Variants in TG observed in about 807,000 individuals in gnomAD.
TG encodes the protein thyroid hormones.
A neutral mutation model predicts 324.7 loss-of-function variants in TG; 270 were observed. That is an observed-to-expected ratio of 0.83 (90% CI 0.75 to 0.92). TG has a LOEUF of 0.92. Among genes scored for constraint, TG ranks in the 40% least tolerant of loss-of-function variants. The pLI, the probability that TG is intolerant of heterozygous loss-of-function variation, is 0.00. For missense variants in TG, 3,591 were observed against 3,456.4 expected (o/e 1.04, Z -0.98); for synonymous variants, 1,401 against 1,327.0 (o/e 1.06, Z -1.21).
At chr8:133,053,640 A>T (rs1840835085) in intron 41 of TG, among the ~76,000 whole-genome samples, 1 of 152,190 alleles carries the variant, frequency 6.6e-6, no homozygotes, top group African/African-American at 2.4e-5. Flanking sequence ...TTGAGGTTTG[A>T]TATCAAATTC....
chr8:132,924,092 A>G (rs957795199), intron 22 of TG, among the ~76,000 whole-genome samples: 2 of 151,668 alleles, frequency 1.3e-5, no homozygotes, highest in Non-Finnish European at 2.9e-5. Flanking sequence ...AATCAGTGGG[A>G]GCCCTGAGCT....
intron 43 of TG, among the ~76,000 whole-genome samples, chr8:133,108,435 T>C (rs1401235914): frequency 2.0e-5 from 3 of 152,216 alleles, no homozygotes; most frequent in African/African-American, 7.2e-5. Flanking sequence ...AGGCTGAGTC[T>C]ACAAATATCT....
intron 34 of TG, among the ~76,000 whole-genome samples, chr8:132,976,315 A>G (rs151312449): frequency 6.6e-6 from 1 of 152,294 alleles, no homozygotes; most frequent in East Asian, 1.9e-4. Context: ...TTCCATGGGG[A>G]AAGGTAGAAG....
chr8:132,893,717 T>C lies in TG; in HGVS notation c.2789T>C (p.Leu930Pro). 6.2e-7 allele frequency: 1 copy of C among 1,613,902 alleles called. No individual in the cohort carries two copies. ...TCPGSCEEAK[L>P]RVLQFIRETE... Reference sequence around the variant, plus strand: ...CCTGGCTCCTGTGAGGAAGCAAAGCTCCGTGTACTGCAGTTCATTAGGGAA... The same window carrying C: ...CCTGGCTCCTGTGAGGAAGCAAAGCCCCGTGTACTGCAGTTCATTAGGGAA... Residue 930 changes from leucine to proline, a missense_variant, in exon 11 of 48, where the codon CTC becomes CCC. Coordinates refer to ENST00000220616, the MANE Select transcript of TG (RefSeq NM_003235.5).
At chr8:133,042,676 G>GTTTTT (rs1838483510) in intron 41 of TG, among the ~76,000 whole-genome samples, 4 of 55,580 alleles carry the variant, frequency 7.2e-5, no homozygotes, top group Non-Finnish European at 1.3e-4. Flanking sequence ...CTCATTCTGT[G>GTTTTT]TCTTTTTTTT....
At chr8:133,114,260 C>T (rs566009232) in intron 44 of TG, among the ~76,000 whole-genome samples, 2 of 152,314 alleles carry the variant, frequency 1.3e-5, no homozygotes, top group East Asian at 3.9e-4. Context: ...CCACTGCTTA[C>T]ATGCCTTGTC....
Position 132,871,548 on chromosome 8 carries a change from C to T in TG, c.475C>T (p.Arg159Ter), listed in dbSNP as rs759267330. Residue 159 changes from arginine to a stop codon, truncating the protein, a stop_gained, in exon 4 of 48, where the codon CGA (arginine) becomes TGA (stop). Transcript: ENST00000220616. LOFTEE classifies it high-confidence loss of function. The part of the protein sequence containing the change: ...YGTRQLGRPK[R>*]CPRSCEIRNR... ...GACCCGCCAGCTGGGGAGGCCAAAG[C>T]GATGTGAGTTTCACTGAGCGCCTGC... The T allele has an allele frequency of 1.8e-5, 29 of 1,613,254 alleles. No individual in the cohort carries two copies. Among genetic ancestry groups the T allele is most frequent in the South Asian group, 1.2e-4 (11 of 91,056 alleles).
intron 5 of TG, among the ~76,000 whole-genome samples, chr8:132,875,224 T>C (rs1256925236): frequency 6.6e-6 from 1 of 152,200 alleles, no homozygotes; most frequent in Non-Finnish European, 1.5e-5. Flanking sequence ...TAGGTTAGAA[T>C]TTCCCCCTCC....
At chr8:133,075,398 G>C (rs1844709966) in intron 41 of TG, among the ~76,000 whole-genome samples, 1 of 152,136 alleles carries the variant, frequency 6.6e-6, no homozygotes, top group Non-Finnish European at 1.5e-5. Flanking sequence ...GCAATGCTTT[G>C]AGATTAAAGG....
chr8:133,131,051 C>T (rs572102489), intron 45 of TG, among the ~76,000 whole-genome samples: 7 of 152,324 alleles, frequency 4.6e-5, no homozygotes, highest in Middle Eastern at 3.4e-3. Flanking sequence ...ACTCACCTTC[C>T]AGAAGCCAAA....
In TG at chr8:132,971,852, C is replaced by T; in HGVS notation, c.6034C>T (p.Leu2012=). The T allele has an allele frequency of 6.2e-7, 1 of 1,613,076 alleles. No individual in the cohort carries two copies. Among genetic ancestry groups the T allele is most frequent in the Non-Finnish European group, 8.5e-7 (1 of 1,179,072 alleles). Residue 2012 remains leucine, a synonymous_variant, in exon 33 of 48, where the codon CTA becomes TTA. Transcript: ENST00000220616. ...CCCATGCTGCACTGGCTTTGGATTT[C>T]TAAATGTTTCCCAGTTAAAAGGTAA... is the stretch of plus-strand genomic sequence containing the variant. ...ADPCCTGFGF[L]NVSQLKGGEV...
Position 133,113,570 on chromosome 8 carries a change from C to T in TG, c.7721C>T (p.Ala2574Val). ...YSLEHSTDDYASFSRALENAT... is the reference protein window; with the variant it reads ...YSLEHSTDDYVSFSRALENAT... ...CTGGAGCACTCCACGGATGACTATGCCTCCTTCTCCCGGGCTCTGGAGAAT... is the reference window on the plus strand; with the variant it reads ...CTGGAGCACTCCACGGATGACTATGTCTCCTTCTCCCGGGCTCTGGAGAAT... Residue 2574 changes from alanine (A) to valine (V), a missense_variant, in exon 44 of 48, where the codon GCC (alanine) becomes GTC (valine). Coordinates refer to ENST00000220616, the MANE Select transcript of TG (RefSeq NM_003235.5). 2 of 1,614,132 alleles carry T rather than the reference C, an allele frequency of 1.2e-6. No individual in the cohort carries two copies. Among genetic ancestry groups the T allele is most frequent in the Non-Finnish European group, 1.7e-6 (2 of 1,180,012 alleles).
intron 41 of TG, chr8:133,050,552 G>A (rs143693101): frequency 1.6e-4 from 60 of 386,584 alleles, no homozygotes; most frequent in African/African-American, 1.2e-3. Context: ...AGAAGAATAT[G>A]AGAAGAGGCT....
At chr8:133,092,980 C>T (rs569553458) in intron 41 of TG, among the ~76,000 whole-genome samples, 14 of 152,230 alleles carry the variant, frequency 9.2e-5, no homozygotes, top group East Asian at 1.9e-4. Context: ...TTTTTATAGC[C>T]GAAGGAAATA....
chr8:133,097,813 G>A (rs918253698), intron 43 of TG, among the ~76,000 whole-genome samples: 20 of 152,150 alleles, frequency 1.3e-4, no homozygotes, highest in Admixed American at 1.0e-3. Context: ...ATATATTTAT[G>A]TGTGCGTGTG....
chr8:132,964,605 T>G (rs954882809), intron 29 of TG: 3 of 363,842 alleles, frequency 8.2e-6, no homozygotes, highest in African/African-American at 6.3e-5. Flanking sequence ...GTGATTGGTC[T>G]CATTGCTTTT....
At chr8:132,912,555 A>G (rs1819685910) in intron 19 of TG, among the ~76,000 whole-genome samples, 1 of 152,066 alleles carries the variant, frequency 6.6e-6, no homozygotes, top group African/African-American at 2.4e-5. Context: ...ACTGAGGCAG[A>G]AGGCCCTGTT....
At chr8:133,058,702 G>A (rs532819539) in intron 41 of TG, among the ~76,000 whole-genome samples, 2 of 152,342 alleles carry the variant, frequency 1.3e-5, no homozygotes, top group Admixed American at 1.3e-4. Context: ...CAGCAGCTCA[G>A]CCACCCTGCA....
At chr8:133,133,289 C>A in intron 46 of TG, 181 bp from the exon 47 acceptor site, 1 of 689,188 alleles carries the variant, frequency 1.5e-6, no homozygotes, top group South Asian at 1.7e-5. Context: ...GCAGTGCTAG[C>A]TTTGCAGTGC....
Sources: gnomAD v4.1 joint callset for allele counts (sites outside exome capture counted in the v4.1 genomes callset) on GRCh38, gnomAD v4.1.1 for gene constraint, MANE v1.5 for transcripts, NCBI Gene and HGNC (gene_info 2026-07-23, HGNC 2026-07-21) for gene names.